The following NIPBL variants were observed in gnomAD, a reference collection of about 807,000 sequenced individuals.
NIPBL encodes the protein NIPBL cohesin loading factor.
In NIPBL, 19 loss-of-function variants were observed where a neutral mutation model predicts 321.8. That is an observed-to-expected ratio of 0.06 (90% CI 0.04 to 0.09). NIPBL has a LOEUF of 0.09. Among genes scored for constraint, NIPBL ranks in the 10% least tolerant of loss-of-function variants. The pLI is 1.00. For missense variants in NIPBL, 2,210 were observed against 3,327.0 expected (o/e 0.66, Z 8.26); for synonymous variants, 1,106 against 1,114.1 (o/e 0.99, Z 0.14).
chr5:36,995,522 A>G (rs1041902830), intron 10 of NIPBL, 100 bp from the exon 11 acceptor site: 1 of 773,888 alleles, frequency 1.3e-6, no homozygotes, highest in Non-Finnish European at 2.1e-6. Flanking sequence ...CAGTTGATTT[A>G]GAAAACAAAT....
chr5:37,057,834 T>A (rs2149750945), intron 43 of NIPBL, among the ~76,000 whole-genome samples: 1 of 152,330 alleles, frequency 6.6e-6, no homozygotes, highest in South Asian at 2.1e-4. Flanking sequence ...TTCCATTGTT[T>A]CTGTCATGAC....
At chr5:37,022,665 C>T (rs1749784261) in intron 29 of NIPBL, among the ~76,000 whole-genome samples, 1 of 152,002 alleles carries the variant, frequency 6.6e-6, no homozygotes, top group Non-Finnish European at 1.5e-5. Context: ...TGATAGGAAC[C>T]ACATGGGGTA....
chr5:37,016,211 A>G, intron 23 of NIPBL, 41 bp downstream of exon 23: 1 of 1,586,746 alleles, frequency 6.3e-7, no homozygotes, highest in South Asian at 1.1e-5. Context: ...TTACTAGAAG[A>G]CAACATAATG....
chr5:36,939,510 A>G (rs991281519), intron 1 of NIPBL, among the ~76,000 whole-genome samples: 2 of 152,140 alleles, frequency 1.3e-5, no homozygotes, highest in Non-Finnish European at 2.9e-5. Context: ...AGTCTGTAGT[A>G]TGGCTCTACC....
chr5:36,923,748 G>A (rs1431092013), intron 1 of NIPBL, among the ~76,000 whole-genome samples: 1 of 152,108 alleles, frequency 6.6e-6, no homozygotes, highest in Non-Finnish European at 1.5e-5. Flanking sequence ...AGACTCTAAG[G>A]GGATAATAAT....
intron 45 of NIPBL, among the ~76,000 whole-genome samples, chr5:37,062,998 A>T (rs994325727): frequency 1.3e-5 from 2 of 152,266 alleles, no homozygotes; most frequent in Middle Eastern, 3.4e-3. Context: ...AAAAGTTTTT[A>T]AAAATGTTTT....
At chr5:37,020,924 T>C (rs771823291) in intron 27 of NIPBL, 47 bp downstream of exon 27, 1 of 1,242,410 alleles carries the variant, frequency 8.0e-7, no homozygotes, top group Non-Finnish European at 1.2e-6. Flanking sequence ...ATTTTTCTGA[T>C]TCTGGATGCT....
chr5:37,000,647 A>G, intron 12 of NIPBL, 77 bp downstream of exon 12: 1 of 1,466,012 alleles, frequency 6.8e-7, no homozygotes, highest in East Asian at 2.3e-5. Context: ...AATATTTTAT[A>G]TCTTTTTATG....
At position 37,032,663 on chromosome 5, in the gene NIPBL, T is replaced by A. The variant is rs566486473; in HGVS notation, c.5863-3716T>A. On this transcript the variant is annotated intron_variant, in intron 32 of 46. Coordinates refer to ENST00000282516, the MANE Select transcript of NIPBL (RefSeq NM_133433.4). ...TGTGGCCTGTGCCTGTAAATTCAGC[T>A]ACGTGGGAGGCAGAGGCAGGAGGAT... Among the ~76,000 whole-genome samples the A allele has an allele frequency of 2.6e-5, 4 of 152,150 alleles. No individual in the cohort carries two copies. In the South Asian group the frequency reaches 8.3e-4, roughly 32 times the overall value.
chr5:36,880,230 A>T (rs952340646), intron 1 of NIPBL, among the ~76,000 whole-genome samples: 29 of 152,126 alleles, frequency 1.9e-4, no homozygotes, highest in Admixed American at 5.2e-4. Context: ...ATTTTTTGGT[A>T]CCAATCCATC....
chr5:37,043,206 C>T (rs558465443), intron 34 of NIPBL, among the ~76,000 whole-genome samples: 4 of 151,964 alleles, frequency 2.6e-5, no homozygotes, highest in Middle Eastern at 3.2e-3. Flanking sequence ...AACCAGCCTG[C>T]GCAACATAGT....
At chr5:36,901,664 C>T (rs964068185) in intron 1 of NIPBL, among the ~76,000 whole-genome samples, 11 of 152,044 alleles carry the variant, frequency 7.2e-5, no homozygotes, top group African/African-American at 2.7e-4. Flanking sequence ...CGTGCACCAC[C>T]ACACCCAACT....
intron 29 of NIPBL, among the ~76,000 whole-genome samples, chr5:37,024,166 CAA>C (rs34509147): frequency 1.6e-4 from 22 of 138,494 alleles, no homozygotes; most frequent in Middle Eastern, 3.7e-3. Flanking sequence ...AACTCCATCC[CAA>C]AAAAAAAAAA....
chr5:37,043,427 C>T (rs553492611), intron 34 of NIPBL, among the ~76,000 whole-genome samples: 1 of 151,526 alleles, frequency 6.6e-6, no homozygotes, highest in East Asian at 1.9e-4. Context: ...ACTCGGGTGG[C>T]TGAGTCAGGG....
chr5:36,963,638 C>CA lies in NIPBL; in HGVS notation c.610+1378dup, dbSNP rs796658799. Among the ~76,000 whole-genome samples the CA allele has an allele frequency of 2.5e-3, 292 of 117,160 alleles. 1 individual carries two copies. Among genetic ancestry groups the CA allele is most frequent in the South Asian group, 0.011 (41 of 3,766 alleles). 76.9% of individuals were successfully genotyped at this position (117,160 alleles called of 152,430 possible). ...GCAACATAGTGGGACCCTGTCTCTA[C>CA]AAAAAAAAAAAAAATTAGCCAGGCA... On this transcript the variant is annotated intron_variant, in intron 6 of 46. Transcript: ENST00000282516.
chr5:36,955,733 A>G, intron 3 of NIPBL, 96 bp downstream of exon 3: 1 of 924,436 alleles, frequency 1.1e-6, no homozygotes, highest in East Asian at 2.5e-5. Context: ...ATTTTTAGAT[A>G]CATAGTTTAT....
intron 40 of NIPBL, among the ~76,000 whole-genome samples, chr5:37,050,488 A>G (rs1440612002): frequency 1.3e-5 from 2 of 151,994 alleles, no homozygotes; most frequent in Non-Finnish European, 2.9e-5. Flanking sequence ...TCAAAAAAAA[A>G]AAAAAAAAAA....
rs1744771022 is a variant in NIPBL at position 36,986,133 on chromosome 5, A to G, written c.2953A>G (p.Lys985Glu). ...GGAAATGAAAGGAGAGCCGAAAGAC[A>G]AAGTAGAAAAAATAGGATTAGTTGA... ...KMEMKGEPKDKVEKIGLVEDL... is the reference protein window; with the variant it reads ...KMEMKGEPKDEVEKIGLVEDL... Residue 985 changes from lysine to glutamate, a missense_variant, in exon 10 of 47, where the codon AAA becomes GAA. Around this residue, in one of 14 missense-constraint regions of NIPBL, gnomAD observed 588 missense variants for 564.1 expected, o/e 1.04. Transcript: ENST00000282516. 2 of 1,613,834 alleles carry G rather than the reference A, an allele frequency of 1.2e-6. No homozygotes were observed. Among genetic ancestry groups the G allele is most frequent in the South Asian group, 1.1e-5 (1 of 91,082 alleles).
rs530539139 is a variant in NIPBL at position 36,976,018 on chromosome 5, G to A, written c.1111G>A (p.Asp371Asn). 1.2e-5 allele frequency: 20 copies of A among 1,614,026 alleles called. No individual in the cohort carries two copies. In the South Asian group the frequency reaches 2.1e-4, roughly 17 times the overall value. Reference protein sequence around the residue: ...RLSRVRSSDMDQQEDMISGVE... With the variant: ...RLSRVRSSDMNQQEDMISGVE... ...TTCTCGTGTAAGGTCTTCAGACATG[G>A]ACCAGCAAGAGGATATGATTTCTGG... Residue 371 changes from aspartate (D) to asparagine (N), a missense_variant, in exon 9 of 47, where the codon GAC (aspartate) becomes AAC (asparagine). By Grantham distance (23) the Asp-to-Asn change is conservative. Coordinates refer to ENST00000282516, the MANE Select transcript of NIPBL (RefSeq NM_133433.4).
Sources: gnomAD v4.1 joint callset for allele counts (sites outside exome capture counted in the v4.1 genomes callset) on GRCh38, gnomAD v4.1.1 for gene constraint, gnomAD v4.1.1 regional missense constraint, MANE v1.5 for transcripts, NCBI Gene and HGNC (gene_info 2026-07-23, HGNC 2026-07-21) for gene names.